The following DCDC1 variants were observed in gnomAD, a reference collection of about 807,000 sequenced individuals.
The protein encoded by DCDC1 is doublecortin domain-containing protein 1.
DCDC1 carries 200 observed loss-of-function variants against 178.3 expected under a neutral mutation model. The observed-to-expected ratio is 1.12, with a 90% CI of 1.00 to 1.26. The LOEUF (loss-of-function observed/expected upper bound fraction) is 1.26. Ranked by LOEUF, DCDC1 falls within the 50% of genes most tolerant of loss-of-function variation. The pLI is 0.00. For missense variants in DCDC1, 1,983 were observed against 1,749.2 expected (o/e 1.13, Z -2.38); for synonymous variants, 690 against 604.8 (o/e 1.14, Z -2.07).
At chr11:30,980,293 G>C (rs1020462021) in intron 20 of DCDC1, among the ~76,000 whole-genome samples, 2 of 152,182 alleles carry the variant, frequency 1.3e-5, no homozygotes, top group Non-Finnish European at 2.9e-5. Flanking sequence ...AGTGGGCAAT[G>C]AGTCCATGAA....
intron 20 of DCDC1, among the ~76,000 whole-genome samples, chr11:31,034,738 T>C (rs1187714175): frequency 2.0e-5 from 3 of 152,222 alleles, no homozygotes; most frequent in East Asian, 1.9e-4. Context: ...TGCCTAAGGA[T>C]ACATTTCACA....
At position 31,235,607 on chromosome 11, in the gene DCDC1, T is replaced by C. The variant is rs1976355437; in HGVS notation, c.1221+5843A>G. Among the ~76,000 whole-genome samples, 3 of 152,084 alleles carry C rather than the reference T, an allele frequency of 2.0e-5. No individual in the cohort carries two copies. The South Asian group carries it at 6.2e-4, about 32-fold the overall frequency. On this transcript the variant is annotated intron_variant, in intron 9 of 38. Transcript: ENST00000684477. ...AAAATGAAACAATTTAAATAATTTTTAATTAATCAAGAAAAGTAAGGTGAT... is the reference window on the plus strand; with the variant it reads ...AAAATGAAACAATTTAAATAATTTTCAATTAATCAAGAAAAGTAAGGTGAT...
At chr11:31,084,915 A>C (rs1957380500) in intron 17 of DCDC1, among the ~76,000 whole-genome samples, 1 of 150,312 alleles carries the variant, frequency 6.7e-6, no homozygotes, top group Non-Finnish European at 1.5e-5. Context: ...TAATGGGCTT[A>C]GCCTCAATGG....
intron 3 of DCDC1, among the ~76,000 whole-genome samples, chr11:31,326,452 T>G (rs1949653443): frequency 6.6e-6 from 1 of 152,170 alleles, no homozygotes. Context: ...AGTAGAAAAT[T>G]GGAAATAAAT....
chr11:31,202,001 T>G (rs1208060977), intron 9 of DCDC1, among the ~76,000 whole-genome samples: 1 of 152,214 alleles, frequency 6.6e-6, no homozygotes, highest in Non-Finnish European at 1.5e-5. Flanking sequence ...AAAGATCAAT[T>G]TTAGATTTCC....
intron 9 of DCDC1, among the ~76,000 whole-genome samples, chr11:31,168,413 T>C (rs1306436070): frequency 6.6e-6 from 1 of 152,218 alleles, no homozygotes; most frequent in Non-Finnish European, 1.5e-5. Flanking sequence ...GATATTTGTA[T>C]ATTTTCTGTG....
intron 15 of DCDC1, among the ~76,000 whole-genome samples, chr11:31,100,768 G>A (rs1167327097): frequency 2.0e-5 from 3 of 152,290 alleles, no homozygotes; most frequent in Admixed American, 6.5e-5. Flanking sequence ...AAGTCCAGAC[G>A]AAAATTCGGA....
At position 31,086,591 on chromosome 11, in the gene DCDC1, C is replaced by T. The variant is rs75738436; in HGVS notation, c.2237+4802G>A. ...TCGATTTTTATTTTTGTGGATCATG[C>T]TTTTGGTGTCATATCTGAGAAAGTT... On this transcript the variant is annotated intron_variant, in intron 17 of 38. Transcript: ENST00000684477. 1.1e-4 allele frequency among the ~76,000 whole-genome samples: 17 copies of T among 152,068 alleles called. No homozygotes were observed. The East Asian group carries it at 3.1e-3, about 28-fold the overall frequency.
At chr11:31,089,387 A>C (rs745678294) in intron 17 of DCDC1, among the ~76,000 whole-genome samples, 1 of 152,044 alleles carries the variant, frequency 6.6e-6, no homozygotes, top group Non-Finnish European at 1.5e-5. Context: ...ATTTTAAACA[A>C]TTCTATGATA....
intron 2 of DCDC1, among the ~76,000 whole-genome samples, chr11:31,330,773 C>T (rs1949935632): frequency 6.6e-6 from 1 of 152,130 alleles, no homozygotes; most frequent in Non-Finnish European, 1.5e-5. Context: ...GTTTTGTTAC[C>T]AGTACCATGC....
intron 1 of DCDC1, among the ~76,000 whole-genome samples, chr11:31,341,127 T>C (rs901427979): frequency 1.7e-4 from 26 of 152,050 alleles, no homozygotes; most frequent in Non-Finnish European, 3.2e-4. Flanking sequence ...TTTCTGCAGG[T>C]GACTCTGGCT....
chr11:31,291,321 G>A (rs1393129657), intron 6 of DCDC1, among the ~76,000 whole-genome samples: 2 of 151,970 alleles, frequency 1.3e-5, no homozygotes, highest in African/African-American at 4.8e-5. Flanking sequence ...CCTCCAAATA[G>A]TAACATTATA....
At chr11:31,166,666 G>A (rs1966819151) in intron 9 of DCDC1, among the ~76,000 whole-genome samples, 2 of 152,012 alleles carry the variant, frequency 1.3e-5, no homozygotes, top group South Asian at 2.1e-4. Flanking sequence ...AGGGAAGGGA[G>A]AGAAAGAGAA....
chr11:31,199,385 A>C (rs1173133783), intron 9 of DCDC1, among the ~76,000 whole-genome samples: 3 of 152,066 alleles, frequency 2.0e-5, no homozygotes, highest in Non-Finnish European at 4.4e-5. Flanking sequence ...GGATCAACAA[A>C]ACTTAAGAAT....
intron 23 of DCDC1, among the ~76,000 whole-genome samples, chr11:30,923,679 C>T (rs1946408996): frequency 6.6e-6 from 1 of 151,514 alleles, no homozygotes; most frequent in Non-Finnish European, 1.5e-5. Context: ...AGTGCAGTGG[C>T]ATGCTTTCGG....
At chr11:31,228,913 G>A (rs918961169) in intron 9 of DCDC1, among the ~76,000 whole-genome samples, 6 of 152,034 alleles carry the variant, frequency 3.9e-5, no homozygotes, top group African/African-American at 1.4e-4. Flanking sequence ...GGGGGAAAGA[G>A]AGAGAAGGGC....
intron 20 of DCDC1, among the ~76,000 whole-genome samples, chr11:30,988,328 C>A (rs1292809324): frequency 6.6e-6 from 1 of 151,902 alleles, no homozygotes; most frequent in Non-Finnish European, 1.5e-5. Flanking sequence ...TGAACAGATT[C>A]ATCCATTGAA....
chr11:30,982,824 G>A (rs1950458596), intron 20 of DCDC1, among the ~76,000 whole-genome samples: 1 of 151,920 alleles, frequency 6.6e-6, no homozygotes, highest in Non-Finnish European at 1.5e-5. Flanking sequence ...CATCCAATGC[G>A]GCCCCATACT....
In DCDC1 at chr11:31,290,698, G is replaced by A; in HGVS notation, c.909C>T (p.Gly303=). The A allele has an allele frequency of 1.2e-6, 2 of 1,613,238 alleles. No individual in the cohort carries two copies. The highest frequency in any genetic ancestry group is 1.7e-6 in the Non-Finnish European group (2 of 1,179,472). Residue 303 remains glycine (G), a synonymous_variant, in exon 7 of 39, where the codon GGC becomes GGT. Transcript: ENST00000684477. ...TSVRILFFKN[G]MGQDGHEITV... ...TAATCTCATGCCCATCCTGCCCCAT[G>A]CCATTCTTAAAGAACAGAATTCGGA... is the stretch of plus-strand genomic sequence containing the variant.
Sources: allele counts gnomAD v4.1 joint callset (sites outside exome capture counted in the v4.1 genomes callset), GRCh38; gene constraint gnomAD v4.1.1; transcripts MANE v1.5; gene names NCBI Gene and HGNC (gene_info 2026-07-23, HGNC 2026-07-21).